Variants in TMEM74 observed in about 807,000 individuals in gnomAD.
TMEM74 encodes transmembrane protein 74.
TMEM74 carries 13 observed loss-of-function variants against 18.1 expected under a neutral mutation model. The observed-to-expected ratio is 0.72, with a 90% CI of 0.47 to 1.14. TMEM74 has a LOEUF of 1.14. Among genes scored for constraint, TMEM74 ranks in the 50% most tolerant of loss-of-function variants. The pLI is 0.00. For missense variants in TMEM74, 372 were observed against 375.9 expected (o/e 0.99, Z 0.09); for synonymous variants, 159 against 146.6 (o/e 1.08, Z -0.61).
At chr8:108,735,478 T>C (rs1813739114) in intron 1 of TMEM74, among the ~76,000 whole-genome samples, 2 of 152,342 alleles carry the variant, frequency 1.3e-5, no homozygotes, top group African/African-American at 4.8e-5. Flanking sequence ...TTTTTGTGAC[T>C]TGCTTCTTTC....
Position 108,782,180 on chromosome 8 carries a change from G to A in TMEM74, c.*2001C>T, listed in dbSNP as rs1394477843. Among the ~76,000 whole-genome samples, 1 of 151,938 alleles carries A rather than the reference G, an allele frequency of 6.6e-6. No individual in the cohort carries two copies. Among genetic ancestry groups the A allele is most frequent in the Non-Finnish European group, 1.5e-5 (1 of 68,002 alleles). ...AACATCATCCAAAGTGGATCCTTAAGCAGGCTAGAGCTGGACTTAGAAACC... is the reference window on the plus strand; with the variant it reads ...AACATCATCCAAAGTGGATCCTTAAACAGGCTAGAGCTGGACTTAGAAACC... On this transcript the variant is annotated 3_prime_UTR_variant, in exon 2 of 2. Transcript: ENST00000297459.
chr8:108,623,818 G>T (rs1490816013), intron 2 of TMEM74, among the ~76,000 whole-genome samples: 3 of 151,938 alleles, frequency 2.0e-5, no homozygotes, highest in East Asian at 1.9e-4. Context: ...AGACATTTTT[G>T]ATTTTTACAA....
At chr8:108,709,460 T>A (rs538411833) in intron 1 of TMEM74, among the ~76,000 whole-genome samples, 10 of 152,188 alleles carry the variant, frequency 6.6e-5, no homozygotes, top group African/African-American at 1.4e-4. Context: ...TCTACTTACA[T>A]GAGGTATCTA....
chr8:108,635,272 AT>A (rs200578586), intron 2 of TMEM74, among the ~76,000 whole-genome samples: 119 of 147,812 alleles, frequency 8.1e-4, no homozygotes, highest in Non-Finnish European at 1.1e-3. Flanking sequence ...GTCTTAGCGC[AT>A]TTTTTTTTTC....
intron 1 of TMEM74, among the ~76,000 whole-genome samples, chr8:108,719,391 G>C (rs1813562962): frequency 6.6e-6 from 1 of 151,808 alleles, no homozygotes; most frequent in African/African-American, 2.4e-5. Flanking sequence ...TACTTTATTG[G>C]ATCGATCTTC....
intron 1 of TMEM74, among the ~76,000 whole-genome samples, chr8:108,744,248 T>C (rs905249872): frequency 7.2e-5 from 11 of 152,072 alleles, no homozygotes; most frequent in Non-Finnish European, 1.5e-4. Flanking sequence ...TGACCAGAAA[T>C]GACCAGAATT....
rs1175396487 is a variant in TMEM74 at position 108,657,859 on chromosome 8, A to AATAT, written n.120-2426_120-2423dup. Among the ~76,000 whole-genome samples, 202 of 49,842 alleles carry AATAT rather than the reference A, an allele frequency of 4.1e-3. 1 individual carries two copies. The highest frequency in any genetic ancestry group is 5.0e-3 in the Non-Finnish European group (143 of 28,572). 32.7% of individuals were successfully genotyped at this position (49,842 alleles called of 152,430 possible). On this transcript the variant is annotated intron_variant and non_coding_transcript_variant, in intron 1 of 3. Coordinates refer to the TMEM74 transcript ENST00000518838. ...CACCGTCTCAAAAAAAAAAAAAAAA[A>AATAT]ATATATATATATATATATATATATA...
At chr8:108,651,799 A>G (rs1240125370) in intron 2 of TMEM74, among the ~76,000 whole-genome samples, 7 of 151,700 alleles carry the variant, frequency 4.6e-5, no homozygotes, top group Middle Eastern at 6.8e-3. Context: ...TTTTTTTTTG[A>G]TATATGTGTA....
chr8:108,733,546 T>C (rs1006603371), intron 1 of TMEM74, among the ~76,000 whole-genome samples: 3 of 152,154 alleles, frequency 2.0e-5, no homozygotes, highest in African/African-American at 7.2e-5. Context: ...TTGGAAATGT[T>C]GCATGTCTTG....
At chr8:108,750,757 G>A (rs1813897093) in intron 1 of TMEM74, among the ~76,000 whole-genome samples, 1 of 152,138 alleles carries the variant, frequency 6.6e-6, no homozygotes, top group African/African-American at 2.4e-5. Context: ...CCAAGGGTAA[G>A]GAGGGCACTG....
intron 2 of TMEM74, among the ~76,000 whole-genome samples, chr8:108,624,049 T>C (rs1812469858): frequency 6.6e-6 from 1 of 152,086 alleles, no homozygotes; most frequent in Non-Finnish European, 1.5e-5. Context: ...TGCCAGGATA[T>C]GCATAGTCTT....
intron 2 of TMEM74, among the ~76,000 whole-genome samples, chr8:108,625,355 G>A (rs1812483679): frequency 1.3e-5 from 2 of 152,034 alleles, no homozygotes; most frequent in Admixed American, 1.3e-4. Flanking sequence ...AAATCAAAAT[G>A]TGATGAGGTA....
At chr8:108,690,633 C>G (rs1813216779) in intron 1 of TMEM74, among the ~76,000 whole-genome samples, 1 of 151,766 alleles carries the variant, frequency 6.6e-6, no homozygotes, top group Non-Finnish European at 1.5e-5. Flanking sequence ...GGATAACACG[C>G]TGAAACCCCG....
In TMEM74 at chr8:108,664,481, A is replaced by C. The variant is rs138467789; in HGVS notation, n.120-9044T>G. Among the ~76,000 whole-genome samples, 730 of 152,168 alleles carry C rather than the reference A, an allele frequency of 4.8e-3. 5 individuals are homozygous for C. The highest frequency in any genetic ancestry group is 0.017 in the African/African-American group (711 of 41,532). ...TGATTTTTGTACATTGATTACATTG[A>C]TTTTGTATCTCAAGACTTCGTTAAA... On this transcript the variant is annotated intron_variant and non_coding_transcript_variant, in intron 1 of 3. Coordinates refer to the TMEM74 transcript ENST00000518838.
chr8:108,616,353 A>C (rs1812383684), intron 2 of TMEM74, among the ~76,000 whole-genome samples: 1 of 152,194 alleles, frequency 6.6e-6, no homozygotes, highest in Non-Finnish European at 1.5e-5. Flanking sequence ...ATTCCATAAG[A>C]TGACATTAAA....
chr8:108,635,778 G>C (rs1311621296), intron 2 of TMEM74, among the ~76,000 whole-genome samples: 1 of 151,948 alleles, frequency 6.6e-6, no homozygotes, highest in Non-Finnish European at 1.5e-5. Context: ...TTGGATTTCT[G>C]TTGGTCTCTC....
intron 1 of TMEM74, among the ~76,000 whole-genome samples, chr8:108,731,239 C>A (rs75781289): frequency 0.027 from 4,029 of 151,368 alleles, 178 homozygotes; most frequent in African/African-American, 0.091. Flanking sequence ...CCATCCCCCC[C>A]AAAAAAAGGA....
At chr8:108,743,349 AG>A (rs1813820055) in intron 1 of TMEM74, among the ~76,000 whole-genome samples, 1 of 152,200 alleles carries the variant, frequency 6.6e-6, no homozygotes, top group African/African-American at 2.4e-5. Flanking sequence ...ATAATTTGAA[AG>A]CTGCTTCTTC....
chr8:108,702,126 T>C (rs542066439), intron 1 of TMEM74, among the ~76,000 whole-genome samples: 3 of 151,954 alleles, frequency 2.0e-5, no homozygotes, highest in African/African-American at 7.2e-5. Context: ...GGGCGGATCA[T>C]GAGGTCAGGA....
Sources: gnomAD v4.1 joint callset for allele counts (sites outside exome capture counted in the v4.1 genomes callset) on GRCh38, gnomAD v4.1.1 for gene constraint, MANE v1.5 for transcripts, NCBI Gene and HGNC (gene_info 2026-07-23, HGNC 2026-07-21) for gene names.